The following NTRK2 variants were observed in gnomAD, a reference collection of about 807,000 sequenced individuals.
NTRK2 encodes BDNF/NT-3 growth factors receptor.
In NTRK2, 13 loss-of-function variants were observed where a neutral mutation model predicts 94.5. The observed-to-expected ratio is 0.14, with a 90% CI of 0.09 to 0.22. The LOEUF is 0.22. Ranked by LOEUF, NTRK2 falls within the 10% of genes least tolerant of loss-of-function variation. NTRK2 has a pLI of 1.00. For missense variants in NTRK2, 639 were observed against 1,071.2 expected (o/e 0.60, Z 5.63); for synonymous variants, 372 against 407.4 (o/e 0.91, Z 1.05).
chr9:84,846,725 A>G (rs1469778968), intron 12 of NTRK2, among the ~76,000 whole-genome samples: 1 of 152,220 alleles, frequency 6.6e-6, no homozygotes, highest in East Asian at 1.9e-4. Context: ...TTGCCTGCCA[A>G]TAGTGATAGC....
rs2076955910 is a variant in NTRK2 at position 84,902,347 on chromosome 9, TCCC to T, written c.1634-31813_1634-31811del. ...GTTCTTTTTTGAAAGCCTCCAAGAG[TCCC>T]CATGCATGCTGTAAGAATGTGAGAA... On this transcript the variant is annotated intron_variant, in intron 14 of 18. Coordinates refer to ENST00000277120, the MANE Select transcript of NTRK2 (RefSeq NM_006180.6). Among the ~76,000 whole-genome samples, 4 of 151,850 alleles carry T rather than the reference TCCC, an allele frequency of 2.6e-5. No individual in the cohort carries two copies. In the South Asian group the frequency reaches 8.3e-4, roughly 31 times the overall value.
At chr9:84,819,564 A>G (rs1260816946) in intron 12 of NTRK2, among the ~76,000 whole-genome samples, 5 of 152,176 alleles carry the variant, frequency 3.3e-5, no homozygotes, top group African/African-American at 1.2e-4. Context: ...ATTGAATGCC[A>G]CGTCTAATTA....
chr9:84,744,316 G>C (rs2063881480), intron 10 of NTRK2, among the ~76,000 whole-genome samples: 1 of 152,190 alleles, frequency 6.6e-6, no homozygotes, highest in African/African-American at 2.4e-5. Flanking sequence ...TAAGTATTGT[G>C]TGGATCTACC....
At chr9:85,002,395 A>G (rs1429069766) in intron 17 of NTRK2, among the ~76,000 whole-genome samples, 1 of 152,172 alleles carries the variant, frequency 6.6e-6, no homozygotes, top group Non-Finnish European at 1.5e-5. Context: ...TGGATGCAGA[A>G]GCTTCCCAGG....
At chr9:84,876,762 T>TATC (rs1305018454) in intron 14 of NTRK2, 3 of 1,061,330 alleles carry the variant, frequency 2.8e-6, no homozygotes, top group Non-Finnish European at 3.4e-6. Flanking sequence ...CAGAAACAAT[T>TATC]ATCAATACAT....
At chr9:84,842,055 C>T (rs1402313515) in intron 12 of NTRK2, among the ~76,000 whole-genome samples, 1 of 152,192 alleles carries the variant, frequency 6.6e-6, no homozygotes, top group Non-Finnish European at 1.5e-5. Context: ...CACCCTTTCT[C>T]CAGAAGTTTG....
At chr9:84,887,841 C>T (rs2076464855) in intron 14 of NTRK2, among the ~76,000 whole-genome samples, 1 of 152,200 alleles carries the variant, frequency 6.6e-6, no homozygotes, top group Non-Finnish European at 1.5e-5. Context: ...GGGCTGGATC[C>T]ACATTTTTTT....
chr9:84,794,541 T>G (rs950077674), intron 12 of NTRK2, among the ~76,000 whole-genome samples: 1 of 152,252 alleles, frequency 6.6e-6, no homozygotes, highest in Non-Finnish European at 1.5e-5. Flanking sequence ...TCAGCGGTTT[T>G]CTCATCTCCA....
chr9:84,942,047 C>G (rs1442915680), intron 15 of NTRK2, among the ~76,000 whole-genome samples: 1 of 152,110 alleles, frequency 6.6e-6, no homozygotes, highest in Non-Finnish European at 1.5e-5. Flanking sequence ...TAATTAAAGT[C>G]CTGTCAAAGG....
At chr9:84,811,774 G>A (rs1286777650) in intron 12 of NTRK2, 1 of 1,065,546 alleles carries the variant, frequency 9.4e-7, no homozygotes, top group African/African-American at 1.6e-5. Flanking sequence ...TTAGAGCTGT[G>A]GATTTCTGCA....
chr9:84,865,217 A>C (rs529126276), intron 13 of NTRK2, among the ~76,000 whole-genome samples: 34 of 152,252 alleles, frequency 2.2e-4, no homozygotes, highest in African/African-American at 7.7e-4. Flanking sequence ...AACACAACTG[A>C]TGGGTTTGCC....
intron 18 of NTRK2, among the ~76,000 whole-genome samples, chr9:85,020,698 A>G (rs568870775): frequency 2.0e-5 from 3 of 152,322 alleles, no homozygotes; most frequent in South Asian, 4.1e-4. Context: ...TATTGTTCCA[A>G]TGAAGTTTCA....
intron 12 of NTRK2, among the ~76,000 whole-genome samples, chr9:84,833,210 G>C (rs2073673779): frequency 6.6e-6 from 1 of 152,148 alleles, no homozygotes; most frequent in Non-Finnish European, 1.5e-5. Context: ...GTTCTGTGAA[G>C]TGCTTCTCAG....
intron 2 of NTRK2, among the ~76,000 whole-genome samples, chr9:84,689,777 AC>A (rs771294990): frequency 6.6e-6 from 1 of 151,950 alleles, no homozygotes; most frequent in Non-Finnish European, 1.5e-5. Context: ...TCAAACCATG[AC>A]CCCCCATAAC....
intron 2 of NTRK2, among the ~76,000 whole-genome samples, chr9:84,698,133 ATG>A (rs202149031): frequency 6.7e-4 from 100 of 149,482 alleles, no homozygotes; most frequent in Non-Finnish European, 7.0e-4. Context: ...GTTTCTGTGT[ATG>A]TGTGTGTGTG....
intron 12 of NTRK2, among the ~76,000 whole-genome samples, chr9:84,839,738 T>C (rs1349949538): frequency 6.6e-6 from 1 of 152,230 alleles, no homozygotes; most frequent in East Asian, 1.9e-4. Context: ...TTTCTCTGCT[T>C]TGCTGCCCGG....
chr9:84,670,746 G>C lies in NTRK2; in HGVS notation c.-3G>C. The C allele has an allele frequency of 6.2e-7, 1 of 1,612,332 alleles. No homozygotes were observed. Among genetic ancestry groups the C allele is most frequent in the Non-Finnish European group, 8.5e-7 (1 of 1,180,020 alleles). Reference sequence around the variant, plus strand: ...GCACTCGGGCTGGCACTGGCTGCTAGGGATGTCGTCCTGGATAAGGTGGCA... The same window carrying C: ...GCACTCGGGCTGGCACTGGCTGCTACGGATGTCGTCCTGGATAAGGTGGCA... On this transcript the variant is annotated 5_prime_UTR_variant, in exon 2 of 19. Coordinates refer to ENST00000277120, the MANE Select transcript of NTRK2 (RefSeq NM_006180.6).
intron 11 of NTRK2, among the ~76,000 whole-genome samples, chr9:84,747,146 T>C (rs2064151601): frequency 6.6e-6 from 1 of 152,000 alleles, no homozygotes; most frequent in Admixed American, 6.6e-5. Context: ...GGGAGGTGCG[T>C]AAACAGATGC....
intron 17 of NTRK2, among the ~76,000 whole-genome samples, chr9:85,016,288 C>G (rs955339636): frequency 6.6e-6 from 1 of 152,168 alleles, no homozygotes; most frequent in Non-Finnish European, 1.5e-5. Flanking sequence ...ACTCCAGTCT[C>G]TTGGGTTGAG....
Sources: gnomAD v4.1 joint callset for allele counts (sites outside exome capture counted in the v4.1 genomes callset) on GRCh38, gnomAD v4.1.1 for gene constraint, MANE v1.5 for transcripts, NCBI Gene and HGNC (gene_info 2026-07-23, HGNC 2026-07-21) for gene names.